Variants in LMBR1 observed in about 807,000 individuals in gnomAD.
LMBR1 encodes the protein limb region 1 protein homolog.
In LMBR1, 52 loss-of-function variants were observed where a neutral mutation model predicts 73.9. That is an observed-to-expected ratio of 0.70 (90% CI 0.56 to 0.89). The LOEUF is 0.89. Ranked by LOEUF, LMBR1 falls within the 40% of genes least tolerant of loss-of-function variation. The pLI is 0.00. For synonymous variants in LMBR1, 215 were observed against 209.4 expected (o/e 1.03, Z -0.23); for missense variants, 539 against 579.8 (o/e 0.93, Z 0.72).
At position 156,680,401 on chromosome 7, in the gene LMBR1, A is replaced by AGTGT. The variant is rs1164308979; in HGVS notation, c.*3676_*3677insACAC. 4 of 134,416 alleles carry AGTGT rather than the reference A, an allele frequency of 3.0e-5. No homozygotes were observed. The highest frequency in any genetic ancestry group is 2.5e-4 in the South Asian group (1 of 4,042). 8.3% of individuals were successfully genotyped at this position (134,416 alleles called of 1,614,324 possible). ...CAGAGAGAGAGAGAGAGAGAGAGAG[A>AGTGT]GAGTGTGTGTGTGTGTGTGTGTGTA... On this transcript the variant is annotated 3_prime_UTR_variant, in exon 17 of 17. Transcript: ENST00000353442.
At chr7:156,810,786 A>G (rs1397404404) in intron 4 of LMBR1, among the ~76,000 whole-genome samples, 1 of 151,498 alleles carries the variant, frequency 6.6e-6, no homozygotes, top group Non-Finnish European at 1.5e-5. Flanking sequence ...TCTGTGTTTC[A>G]CTTTCACATA....
intron 15 of LMBR1, among the ~76,000 whole-genome samples, chr7:156,701,693 G>C (rs1010952840): frequency 6.6e-6 from 1 of 152,178 alleles, no homozygotes; most frequent in Non-Finnish European, 1.5e-5. Flanking sequence ...GTGCAGGTTT[G>C]TTATCATGTG....
In LMBR1 at chr7:156,728,707, C is replaced by CT; in HGVS notation, c.851dup (p.Ala285GlyfsTer20). Reference sequence around the variant, plus strand: ...CCAAATTTCTTTCCCATGCTGAAGCCTTTTTTCGCCTCTCTATTAAAAGGA... The same window carrying CT: ...CCAAATTTCTTTCCCATGCTGAAGCCTTTTTTTCGCCTCTCTATTAAAAGGA... On this transcript the variant is annotated frameshift_variant, in exon 11 of 17. Transcript: ENST00000353442. LOFTEE classifies it high-confidence loss of function. The CT allele has an allele frequency of 6.3e-7, 1 of 1,599,886 alleles. No individual in the cohort carries two copies. The highest frequency in any genetic ancestry group is 1.8e-5 in the Admixed American group (1 of 56,446).
chr7:156,856,000 C>A (rs1273228909), intron 1 of LMBR1, among the ~76,000 whole-genome samples: 1 of 152,096 alleles, frequency 6.6e-6, no homozygotes, highest in Non-Finnish European at 1.5e-5. Context: ...TCAAGACCAT[C>A]CTGGCTAACA....
chr7:156,725,918 A>G, intron 12 of LMBR1, 81 bp from the exon 13 acceptor site: 1 of 1,053,018 alleles, frequency 9.5e-7, no homozygotes, highest in Non-Finnish European at 1.4e-6. Flanking sequence ...TCATAAAATA[A>G]GACAGTTGAA....
At position 156,749,089 on chromosome 7, in the gene LMBR1, C is replaced by T. The variant is rs544411607; in HGVS notation, c.757+7304G>A. On this transcript the variant is annotated intron_variant, in intron 9 of 16. Coordinates refer to ENST00000353442, the MANE Select transcript of LMBR1 (RefSeq NM_022458.4). ...TTTTGATTATATTTGATCACTTTCA[C>T]GCTAATACCAGACATTTCTCAAAGT... 4.7e-4 allele frequency among the ~76,000 whole-genome samples: 72 copies of T among 152,266 alleles called. 1 individual carries two copies. Among genetic ancestry groups the T allele is most frequent in the Middle Eastern group, 6.8e-3 (2 of 294 alleles).
chr7:156,676,216 T>G, downstream of LMBR1: 1 of 1,491,570 alleles, frequency 6.7e-7, no homozygotes. Flanking sequence ...CTTTCCACAG[T>G]TCCCAGGAGT....
intron 6 of LMBR1, among the ~76,000 whole-genome samples, 153 bp downstream of exon 6, chr7:156,763,516 A>G (rs1283395620): frequency 6.6e-6 from 1 of 152,158 alleles, no homozygotes; most frequent in African/African-American, 2.4e-5. Flanking sequence ...ATTTTTAGAT[A>G]AAAATATCTA....
chr7:156,892,868 G>C, intron 1 of LMBR1, 60 bp downstream of exon 1: 1 of 1,302,974 alleles, frequency 7.7e-7, no homozygotes, highest in Non-Finnish European at 1.0e-6. Context: ...GCCCGGGGGC[G>C]GGGACGGAGG....
At chr7:156,704,778 T>A (rs1810561583) in intron 15 of LMBR1, among the ~76,000 whole-genome samples, 1 of 148,172 alleles carries the variant, frequency 6.7e-6, no homozygotes, top group East Asian at 2.0e-4. Context: ...AACCAGAAAT[T>A]CTGAAACAAA....
chr7:156,767,052 G>A (rs903954793), intron 5 of LMBR1, among the ~76,000 whole-genome samples: 2 of 152,180 alleles, frequency 1.3e-5, no homozygotes, highest in Admixed American at 6.5e-5. Flanking sequence ...GTGTGGGCCA[G>A]TCGCTTTTGC....
chr7:156,882,270 C>T (rs954251991), intron 1 of LMBR1, among the ~76,000 whole-genome samples: 2 of 152,044 alleles, frequency 1.3e-5, no homozygotes, highest in South Asian at 2.1e-4. Flanking sequence ...AGTGAGACAT[C>T]GTCTCTACAA....
chr7:156,811,153 TA>T (rs1445066463), intron 4 of LMBR1, among the ~76,000 whole-genome samples: 3 of 152,164 alleles, frequency 2.0e-5, no homozygotes, highest in Non-Finnish European at 4.4e-5. Context: ...TCAAATTCAT[TA>T]ATCTCTTCTG....
intron 9 of LMBR1, among the ~76,000 whole-genome samples, chr7:156,734,545 C>G (rs143942901): frequency 1.3e-5 from 2 of 152,130 alleles, no homozygotes; most frequent in African/African-American, 4.8e-5. Context: ...TTGGGTACAA[C>G]GTATGCTACT....
At chr7:156,796,973 T>C (rs1830151311) in intron 4 of LMBR1, among the ~76,000 whole-genome samples, 1 of 152,226 alleles carries the variant, frequency 6.6e-6, no homozygotes, top group Non-Finnish European at 1.5e-5. Flanking sequence ...TTACAGACAT[T>C]ATCCGAACTC....
intron 4 of LMBR1, chr7:156,823,900 C>A (rs975588684): frequency 1.3e-5 from 2 of 152,208 alleles, no homozygotes; most frequent in African/African-American, 4.8e-5. Flanking sequence ...ACCATCCTGG[C>A]TAACACGGTG....
chr7:156,854,111 T>C (rs1796620769), intron 1 of LMBR1, among the ~76,000 whole-genome samples: 1 of 152,202 alleles, frequency 6.6e-6, no homozygotes, highest in East Asian at 1.9e-4. Context: ...GAAGTCATCT[T>C]TCCCATCCTC....
chr7:156,891,231 TATAC>T (rs1350731351), intron 1 of LMBR1, among the ~76,000 whole-genome samples: 189 of 78,964 alleles, frequency 2.4e-3, no homozygotes, highest in African/African-American at 5.0e-3. Flanking sequence ...TATATATATA[TATAC>T]ACACACACAC....
At chr7:156,877,846 G>A (rs562837745) in intron 1 of LMBR1, among the ~76,000 whole-genome samples, 1 of 148,370 alleles carries the variant, frequency 6.7e-6, no homozygotes, top group East Asian at 2.0e-4. Flanking sequence ...TCGCGCCACT[G>A]CACTCCAGCC....
Sources: gnomAD v4.1 joint callset for allele counts (sites outside exome capture counted in the v4.1 genomes callset) on GRCh38, gnomAD v4.1.1 for gene constraint, MANE v1.5 for transcripts, NCBI Gene and HGNC (gene_info 2026-07-23, HGNC 2026-07-21) for gene names.